The following CFAP299 variants were observed in gnomAD, a reference collection of about 807,000 sequenced individuals.
CFAP299 encodes the protein cilia- and flagella-associated protein 299.
CFAP299 carries 21 observed loss-of-function variants against 27.0 expected under a neutral mutation model. That is an observed-to-expected ratio of 0.78 (90% CI 0.55 to 1.12). The LOEUF (loss-of-function observed/expected upper bound fraction) is 1.12. Among genes scored for constraint, CFAP299 ranks in the 50% most tolerant of loss-of-function variants. CFAP299 has a pLI of 0.00. For missense variants in CFAP299, 310 were observed against 276.6 expected, an observed-to-expected ratio of 1.12 and a Z score of -0.86; for synonymous variants, 104 against 98.1, an observed-to-expected ratio of 1.06 and a Z score of -0.36.
At chr4:80,764,049 G>A (rs1275225217) in intron 3 of CFAP299, among the ~76,000 whole-genome samples, 2 of 152,158 alleles carry the variant, frequency 1.3e-5, no homozygotes, top group African/African-American at 4.8e-5. Context: ...CATGGATAAA[G>A]ACTTCATGAC....
chr4:80,398,743 T>G (rs1013756296), intron 2 of CFAP299, among the ~76,000 whole-genome samples: 4 of 152,024 alleles, frequency 2.6e-5, no homozygotes, highest in South Asian at 2.1e-4. Flanking sequence ...AACCCTAGAA[T>G]AAAACCTAGG....
chr4:80,651,983 C>A (rs1333021197), intron 3 of CFAP299, among the ~76,000 whole-genome samples: 1 of 151,968 alleles, frequency 6.6e-6, no homozygotes, highest in Non-Finnish European at 1.5e-5. Context: ...AATCAGGAAC[C>A]TGGACATACT....
chr4:80,527,235 G>A (rs942431660), intron 2 of CFAP299, among the ~76,000 whole-genome samples: 3 of 151,874 alleles, frequency 2.0e-5, no homozygotes, highest in Admixed American at 6.6e-5. Flanking sequence ...GGGACTTACC[G>A]GCTAGTATTT....
At chr4:80,379,679 C>A (rs1479960754) in intron 2 of CFAP299, among the ~76,000 whole-genome samples, 1 of 151,850 alleles carries the variant, frequency 6.6e-6, no homozygotes, top group Non-Finnish European at 1.5e-5. Flanking sequence ...TGTTGTTTAA[C>A]CTCTAAATGT....
intron 3 of CFAP299, among the ~76,000 whole-genome samples, chr4:80,829,816 A>C (rs1215224049): frequency 6.6e-6 from 1 of 152,100 alleles, no homozygotes. Context: ...AAGTGAAATA[A>C]GCTAGTGACA....
chr4:80,862,208 A>G (rs1398264381), intron 3 of CFAP299, among the ~76,000 whole-genome samples: 3 of 152,030 alleles, frequency 2.0e-5, no homozygotes, highest in Non-Finnish European at 4.4e-5. Context: ...CATCTCTACT[A>G]AAAATACAAA....
At chr4:80,632,724 T>G (rs1270503116) in intron 3 of CFAP299, among the ~76,000 whole-genome samples, 1 of 152,032 alleles carries the variant, frequency 6.6e-6, no homozygotes, top group Non-Finnish European at 1.5e-5. Flanking sequence ...TTTTTTTTTT[T>G]TGCATGCATT....
chr4:80,439,696 C>A (rs1188173786), intron 2 of CFAP299, among the ~76,000 whole-genome samples: 1 of 152,162 alleles, frequency 6.6e-6, no homozygotes, highest in African/African-American at 2.4e-5. Flanking sequence ...GAGACAGAAC[C>A]ATTCATTCCC....
chr4:80,815,538 C>T lies in CFAP299; in HGVS notation c.334-54455C>T, dbSNP rs537109894. Among the ~76,000 whole-genome samples, 17 of 151,786 alleles carry T rather than the reference C, an allele frequency of 1.1e-4. 1 individual carries two copies. The highest frequency in any genetic ancestry group is 3.1e-4 in the African/African-American group (13 of 41,408). ...GGAAGTACTTGTGCTTATAATAAAG[C>T]GGCACAGAATAATGAGGTATTAGTT... On this transcript the variant is annotated intron_variant, in intron 3 of 5. Coordinates refer to ENST00000358105, the MANE Select transcript of CFAP299 (RefSeq NM_152770.3).
At chr4:80,849,723 G>A (rs1224571967) in intron 3 of CFAP299, among the ~76,000 whole-genome samples, 7 of 152,092 alleles carry the variant, frequency 4.6e-5, no homozygotes, top group Admixed American at 1.3e-4. Context: ...AGGGAGGGTA[G>A]AGGGAGGGAG....
At chr4:80,679,533 C>T (rs1050085683) in intron 3 of CFAP299, among the ~76,000 whole-genome samples, 7 of 151,936 alleles carry the variant, frequency 4.6e-5, no homozygotes, top group African/African-American at 1.7e-4. Context: ...TTTCACATTG[C>T]TACCAACAAT....
chr4:80,610,402 G>C (rs1351133263), intron 3 of CFAP299, among the ~76,000 whole-genome samples: 1 of 151,942 alleles, frequency 6.6e-6, no homozygotes, highest in Admixed American at 6.6e-5. Context: ...TAACAAAACG[G>C]TATGCAAATT....
intron 3 of CFAP299, among the ~76,000 whole-genome samples, chr4:80,855,643 G>A (rs1383036586): frequency 2.0e-5 from 3 of 152,080 alleles, no homozygotes; most frequent in South Asian, 2.1e-4. Context: ...ATCTATGAGT[G>A]AGAATATGCG....
At chr4:80,932,660 G>A (rs1171350146) in intron 4 of CFAP299, among the ~76,000 whole-genome samples, 1 of 152,126 alleles carries the variant, frequency 6.6e-6, no homozygotes, top group African/African-American at 2.4e-5. Context: ...TTTTAGCATT[G>A]TTTAAATATC....
At chr4:80,574,502 T>C (rs962762343) in intron 2 of CFAP299, among the ~76,000 whole-genome samples, 30 of 152,098 alleles carry the variant, frequency 2.0e-4, no homozygotes, top group African/African-American at 6.8e-4. Context: ...CTATGTGGAG[T>C]ACAGTGGAGA....
chr4:80,717,562 C>T (rs1249290068), intron 3 of CFAP299, among the ~76,000 whole-genome samples: 1 of 152,074 alleles, frequency 6.6e-6, no homozygotes, highest in Non-Finnish European at 1.5e-5. Flanking sequence ...GTATTCCAGA[C>T]AGGCCTTTAA....
chr4:80,460,044 T>C (rs143959484), intron 2 of CFAP299, among the ~76,000 whole-genome samples: 58 of 152,214 alleles, frequency 3.8e-4, no homozygotes, highest in African/African-American at 1.4e-3. Flanking sequence ...ACAGAAAGAA[T>C]AGGGGCTTGA....
At chr4:80,661,156 T>C (rs573228725) in intron 3 of CFAP299, among the ~76,000 whole-genome samples, 20 of 151,936 alleles carry the variant, frequency 1.3e-4, no homozygotes, top group Non-Finnish European at 2.2e-4. Context: ...CAAAATCCCG[T>C]CTCTACTGAA....
chr4:80,929,875 T>C (rs543455012), intron 4 of CFAP299, among the ~76,000 whole-genome samples: 1 of 152,318 alleles, frequency 6.6e-6, no homozygotes, highest in East Asian at 1.9e-4. Flanking sequence ...TCATTTCTTA[T>C]ACACTGTAAT....
Sources: allele counts gnomAD v4.1 joint callset (sites outside exome capture counted in the v4.1 genomes callset), GRCh38; gene constraint gnomAD v4.1.1; transcripts MANE v1.5; gene names NCBI Gene and HGNC (gene_info 2026-07-23, HGNC 2026-07-21).